The following ARL15 variants were observed in gnomAD, a reference collection of about 807,000 sequenced individuals.
ARL15 encodes ARF like GTPase 15, also known as ADP-ribosylation factor-like protein 15.
Under a neutral mutation model 25.2 loss-of-function variants are expected in ARL15, and 19 were observed. The ratio of observed to expected loss-of-function variants is 0.75; its 90% CI spans 0.53 to 1.10. The LOEUF (loss-of-function observed/expected upper bound fraction) is 1.10. Ranked by LOEUF, ARL15 falls within the 50% of genes least tolerant of loss-of-function variation. The probability of loss-of-function intolerance (pLI) is 0.00; values close to 1 mark genes in which losing one functional copy is unlikely to be tolerated. For synonymous variants in ARL15, 94 were observed against 86.8 expected, an observed-to-expected ratio of 1.08 and a Z score of -0.46; for missense variants, 220 against 246.0, an observed-to-expected ratio of 0.89 and a Z score of 0.71.
At position 54,211,599 on chromosome 5, in the gene ARL15, T is replaced by C. The variant is rs564270797; in HGVS notation, c.49-39671A>G. Among the ~76,000 whole-genome samples, 18 of 150,650 alleles carry C rather than the reference T, an allele frequency of 1.2e-4. No homozygotes were observed. The South Asian group carries it at 3.8e-3, about 32-fold the overall frequency. The stretch of plus-strand genomic sequence containing the variant: ...GATTCTCCTGCCTCAGCCTCGCGAG[T>C]AGCTGGGAATACAGGTGCCCGCCAC... On this transcript the variant is annotated intron_variant, in intron 1 of 4. Transcript: ENST00000504924.
intron 2 of ARL15, among the ~76,000 whole-genome samples, chr5:54,158,160 T>G (rs1754296572): frequency 6.6e-6 from 1 of 152,164 alleles, no homozygotes. Flanking sequence ...AATACCTTTC[T>G]CAAAGGGTTG....
Position 53,948,777 on chromosome 5 carries a change from G to A in ARL15, c.463-62064C>T, listed in dbSNP as rs544429079. Among the ~76,000 whole-genome samples, 125 of 152,262 alleles carry A rather than the reference G, an allele frequency of 8.2e-4. 1 individual carries two copies. The highest frequency in any genetic ancestry group is 3.4e-3 in the Middle Eastern group (1 of 294). On this transcript the variant is annotated intron_variant, in intron 4 of 4. Coordinates refer to ENST00000504924, the MANE Select transcript of ARL15 (RefSeq NM_019087.3). Reference sequence around the variant, plus strand: ...AGCACAGGTAATATTCAGAACAAGAGTCACAATTGTGCCCACTCAGCATTC... The same window carrying A: ...AGCACAGGTAATATTCAGAACAAGAATCACAATTGTGCCCACTCAGCATTC...
chr5:54,201,448 T>C lies in ARL15; in HGVS notation c.49-29520A>G, dbSNP rs1755719447. On this transcript the variant is annotated intron_variant, in intron 1 of 4. Coordinates refer to ENST00000504924, the MANE Select transcript of ARL15 (RefSeq NM_019087.3). ...TGCACTTCTTTGTGAAATCCCATTT[T>C]AGCAAAGAGCCTGGCTAAGTCAGTT... Among the ~76,000 whole-genome samples, 5 of 152,240 alleles carry C rather than the reference T, an allele frequency of 3.3e-5. No individual in the cohort carries two copies. In the South Asian group the frequency reaches 8.3e-4, roughly 25 times the overall value.
intron 4 of ARL15, among the ~76,000 whole-genome samples, chr5:54,015,364 A>G (rs1749396022): frequency 6.6e-6 from 1 of 152,172 alleles, no homozygotes; most frequent in South Asian, 2.1e-4. Flanking sequence ...CAAACCTGAA[A>G]AAAATCCAAA....
chr5:53,950,672 T>C (rs1746914518), intron 4 of ARL15, among the ~76,000 whole-genome samples: 1 of 152,154 alleles, frequency 6.6e-6, no homozygotes, highest in African/African-American at 2.4e-5. Context: ...ATCTTCTCCA[T>C]GCTTTTTTTT....
intron 1 of ARL15, among the ~76,000 whole-genome samples, chr5:54,205,611 T>A (rs1755846940): frequency 6.6e-6 from 1 of 152,202 alleles, no homozygotes; most frequent in African/African-American, 2.4e-5. Context: ...ACTATTATGC[T>A]AGAATCCCAA....
At chr5:54,063,851 T>C (rs1482530776) in intron 4 of ARL15, among the ~76,000 whole-genome samples, 6 of 152,194 alleles carry the variant, frequency 3.9e-5, no homozygotes, top group Non-Finnish European at 8.8e-5. Context: ...AATATGTATA[T>C]GGCCATTAGC....
chr5:53,945,690 TA>T (rs1746702591), intron 4 of ARL15, among the ~76,000 whole-genome samples: 1 of 152,230 alleles, frequency 6.6e-6, no homozygotes, highest in Admixed American at 6.5e-5. Context: ...TTATATAATC[TA>T]AAATTCCCGA....
intron 4 of ARL15, among the ~76,000 whole-genome samples, chr5:54,092,397 T>A (rs910753079): frequency 3.9e-5 from 6 of 152,182 alleles, no homozygotes; most frequent in Non-Finnish European, 8.8e-5. Flanking sequence ...CACATACCTA[T>A]AGTTCTTAGA....
At chr5:53,941,480 T>A (rs550924995) in intron 4 of ARL15, among the ~76,000 whole-genome samples, 17 of 152,212 alleles carry the variant, frequency 1.1e-4, no homozygotes, top group Non-Finnish European at 2.4e-4. Context: ...TGGGTTTAGA[T>A]CATTTTCTTA....
chr5:54,216,310 T>A (rs1420351720), intron 1 of ARL15, among the ~76,000 whole-genome samples: 1 of 152,174 alleles, frequency 6.6e-6, no homozygotes. Context: ...CTCACCACCC[T>A]GTGATCCAAA....
intron 4 of ARL15, among the ~76,000 whole-genome samples, chr5:53,978,651 G>T (rs376395403): frequency 4.0e-5 from 5 of 126,494 alleles, no homozygotes; most frequent in Non-Finnish European, 8.8e-5. Flanking sequence ...AGAAAAGAAA[G>T]AAATAAAAGA....
intron 4 of ARL15, among the ~76,000 whole-genome samples, chr5:53,978,099 A>G (rs893475992): frequency 4.6e-5 from 7 of 152,180 alleles, no homozygotes; most frequent in African/African-American, 1.7e-4. Context: ...AAACATTTCA[A>G]TGTAAAGAAA....
At chr5:54,029,929 A>G (rs1700771268) in intron 4 of ARL15, among the ~76,000 whole-genome samples, 1 of 152,036 alleles carries the variant, frequency 6.6e-6, no homozygotes, top group African/African-American at 2.4e-5. Flanking sequence ...CCTGGGAGGT[A>G]GAGCTTGCAG....
chr5:54,045,658 T>A (rs1750483828), intron 4 of ARL15, among the ~76,000 whole-genome samples: 1 of 151,380 alleles, frequency 6.6e-6, no homozygotes, highest in Non-Finnish European at 1.5e-5. Context: ...AATCTTTAGG[T>A]CATAGAGAGA....
Position 53,943,288 on chromosome 5 carries a change from T to C in ARL15, c.463-56575A>G, listed in dbSNP as rs536352500. ...GTAGGTGAAAGGAAAAAGGATATGG[T>C]AAGAAAGTGTGTGTAAAAGGTTAGT... On this transcript the variant is annotated intron_variant, in intron 4 of 4. Coordinates refer to ENST00000504924, the MANE Select transcript of ARL15 (RefSeq NM_019087.3). Among the ~76,000 whole-genome samples the C allele has an allele frequency of 2.6e-5, 4 of 152,150 alleles. No individual in the cohort carries two copies. The East Asian group carries it at 7.7e-4, about 29-fold the overall frequency.
chr5:53,956,871 A>G (rs68101674), intron 4 of ARL15, among the ~76,000 whole-genome samples: 46,831 of 151,838 alleles, frequency 0.31, 7,600 homozygotes, highest in African/African-American at 0.39. Flanking sequence ...TAACCAGTGA[A>G]CATGAAGATA....
intron 4 of ARL15, among the ~76,000 whole-genome samples, chr5:54,081,044 C>G (rs376579751): frequency 6.6e-6 from 1 of 152,088 alleles, no homozygotes; most frequent in Non-Finnish European, 1.5e-5. Context: ...CCCTTATGAC[C>G]TCATTTAGCC....
chr5:54,109,927 C>T (rs1752692619), intron 4 of ARL15, among the ~76,000 whole-genome samples: 1 of 151,758 alleles, frequency 6.6e-6, no homozygotes, highest in South Asian at 2.1e-4. Flanking sequence ...TAGAGTTTTG[C>T]TGTTGTTGTT....
Sources: gnomAD v4.1 joint callset for allele counts (sites outside exome capture counted in the v4.1 genomes callset) on GRCh38, gnomAD v4.1.1 for gene constraint, MANE v1.5 for transcripts, NCBI Gene and HGNC (gene_info 2026-07-23, HGNC 2026-07-21) for gene names.